Variants in FAR1 observed in about 807,000 individuals in gnomAD.
The protein encoded by FAR1 is fatty acyl-CoA reductase 1.
A neutral mutation model predicts 61.1 loss-of-function variants in FAR1; 22 were observed. The observed-to-expected ratio is 0.36, with a 90% CI of 0.26 to 0.51. The LOEUF (loss-of-function observed/expected upper bound fraction) is 0.51. Among genes scored for constraint, FAR1 ranks in the 20% least tolerant of loss-of-function variants. The pLI is 0.95. For synonymous variants in FAR1, 206 were observed against 209.7 expected, an observed-to-expected ratio of 0.98 and a Z score of 0.15; for missense variants, 359 against 626.9, an observed-to-expected ratio of 0.57 and a Z score of 4.56.
chr11:13,699,435 A>G (rs1027935733), intron 2 of FAR1, among the ~76,000 whole-genome samples: 4 of 152,172 alleles, frequency 2.6e-5, no homozygotes, highest in Non-Finnish European at 5.9e-5. Flanking sequence ...GAGCGGGAAG[A>G]CTGTTTATAC....
chr11:13,678,703 C>T (rs576565070), intron 1 of FAR1, among the ~76,000 whole-genome samples: 240 of 151,018 alleles, frequency 1.6e-3, no homozygotes, highest in African/African-American at 5.5e-3. Context: ...AAGAGCAGGG[C>T]TTAGATAGAA....
At position 13,728,805 on chromosome 11, in the gene FAR1, A is replaced by G; in HGVS notation, c.*31A>G. 6.4e-7 allele frequency: 1 copy of G among 1,567,842 alleles called. No individual in the cohort carries two copies. The highest frequency in any genetic ancestry group is 1.1e-5 in the South Asian group (1 of 87,156). On this transcript the variant is annotated 3_prime_UTR_variant, in exon 12 of 12. Transcript: ENST00000354817. Reference sequence around the variant, plus strand: ...AAGGATTCAGCATTAGAACATCTATACATATGGTGATCTAAATGTACAAAA... The same window carrying G: ...AAGGATTCAGCATTAGAACATCTATGCATATGGTGATCTAAATGTACAAAA...
chr11:13,704,808 A>C (rs983027659), intron 3 of FAR1, among the ~76,000 whole-genome samples: 3 of 152,214 alleles, frequency 2.0e-5, no homozygotes, highest in African/African-American at 7.2e-5. Flanking sequence ...GGTGGAAAAG[A>C]GACTTGTGTC....
At chr11:13,712,931 A>C (rs1269308157) in intron 7 of FAR1, 35 bp from the exon 8 acceptor site, 6 of 1,584,652 alleles carry the variant, frequency 3.8e-6, no homozygotes, top group Non-Finnish European at 5.2e-6. Context: ...TTGGCCTCTT[A>C]TTATGATTAA....
intron 4 of FAR1, 92 bp downstream of exon 4, chr11:13,708,171 G>A (rs1425465647): frequency 2.4e-6 from 2 of 833,398 alleles, no homozygotes; most frequent in African/African-American, 1.8e-5. Context: ...AGAGCAGCCA[G>A]GCCAACATAG....
At chr11:13,708,479 ACATTT>A (rs1181847417) in intron 4 of FAR1, among the ~76,000 whole-genome samples, 6 of 117,704 alleles carry the variant, frequency 5.1e-5, no homozygotes, top group Admixed American at 3.9e-4. Flanking sequence ...ACACACACAT[ACATTT>A]ATCTCTTTTC....
chr11:13,687,328 A>G (rs1848198127), intron 1 of FAR1, among the ~76,000 whole-genome samples: 1 of 152,234 alleles, frequency 6.6e-6, no homozygotes, highest in Non-Finnish European at 1.5e-5. Context: ...AAGAACAGTG[A>G]AAATAAATGT....
intron 1 of FAR1, among the ~76,000 whole-genome samples, chr11:13,687,228 A>G (rs1291423264): frequency 6.6e-6 from 1 of 152,204 alleles, no homozygotes; most frequent in Admixed American, 6.5e-5. Context: ...CTTCAGAAAG[A>G]TTGCTTCTTT....
rs1444318573 is a variant in FAR1, at chr11:13,730,481, A to G, written c.*1707A>G. ...CTAGGACCATACCTTATATAAAGGT[A>G]TAAGAGACCATGACAATGTCTGAAA... On this transcript the variant is annotated 3_prime_UTR_variant, in exon 12 of 12. Coordinates refer to ENST00000354817, the MANE Select transcript of FAR1 (RefSeq NM_032228.6). 6.6e-6 allele frequency: 1 copy of G among 152,302 alleles called. No individual in the cohort carries two copies. The highest frequency in any genetic ancestry group is 1.5e-5 in the Non-Finnish European group (1 of 67,966). The allele number at this position is 152,302 out of a possible 1,614,324, so 9.4% of individuals were successfully genotyped here. A position where few individuals can be genotyped will look rare whatever the true frequency, so the allele number is the denominator to read the frequency against.
chr11:13,683,421 T>A (rs1848151627), intron 1 of FAR1, among the ~76,000 whole-genome samples: 1 of 151,866 alleles, frequency 6.6e-6, no homozygotes, highest in Non-Finnish European at 1.5e-5. Context: ...CAGCATTGGA[T>A]ATGGGTGTGT....
chr11:13,672,544 CA>C (rs34377920), intron 1 of FAR1, among the ~76,000 whole-genome samples: 1,266 of 111,418 alleles, frequency 0.011, 10 homozygotes, highest in African/African-American at 0.02. Flanking sequence ...GACCCTGTCT[CA>C]AAAAAAAAAA....
At chr11:13,678,593 C>T (rs1321213596) in intron 1 of FAR1, among the ~76,000 whole-genome samples, 2 of 152,174 alleles carry the variant, frequency 1.3e-5, no homozygotes, top group African/African-American at 4.8e-5. Context: ...CATCAGGAGG[C>T]TTGGCCCTTT....
Position 13,731,686 on chromosome 11 carries a change from CT to C in FAR1, c.*2915del, listed in dbSNP as rs1848728066. 1 of 151,974 alleles carries C rather than the reference CT, an allele frequency of 6.6e-6. No homozygotes were observed. Among genetic ancestry groups the C allele is most frequent in the African/African-American group, 2.4e-5 (1 of 41,360 alleles). 9.4% of individuals were successfully genotyped at this position (151,974 alleles called of 1,614,324 possible). A position where few individuals can be genotyped will look rare whatever the true frequency, so the allele number is the denominator to read the frequency against. ...GGGAAAGAATACAGGCAGGATGACA[CT>C]TTGTGTTAAAGTGTTATTTTTATGT... On this transcript the variant is annotated 3_prime_UTR_variant, in exon 12 of 12. Coordinates refer to ENST00000354817, the MANE Select transcript of FAR1 (RefSeq NM_032228.6).
chr11:13,694,748 G>A lies in FAR1; in HGVS notation c.-7-11G>A. 2 of 1,597,588 alleles carry A rather than the reference G, an allele frequency of 1.3e-6. No homozygotes were observed. Among genetic ancestry groups the A allele is most frequent in the Non-Finnish European group, 1.7e-6 (2 of 1,171,728 alleles). The stretch of plus-strand genomic sequence containing the variant: ...CCTTAAACTAATGCTTATTTGCCAT[G>A]TTTTTCTTAGGATCAAAATGGTTTC... On this transcript the variant is annotated splice_polypyrimidine_tract_variant and intron_variant, in intron 1 of 11. Coordinates refer to ENST00000354817, the MANE Select transcript of FAR1 (RefSeq NM_032228.6).
chr11:13,722,692 G>A (rs1848623950), intron 10 of FAR1, among the ~76,000 whole-genome samples: 2 of 151,830 alleles, frequency 1.3e-5, no homozygotes, highest in Admixed American at 6.6e-5. Context: ...CAAGCTGCTG[G>A]TCTGGAACTC....
chr11:13,706,691 A>G (rs183181127), intron 3 of FAR1, among the ~76,000 whole-genome samples: 60 of 152,262 alleles, frequency 3.9e-4, no homozygotes, highest in African/African-American at 1.3e-3. Context: ...ACTATAGTCT[A>G]TGTTGTACAA....
intron 1 of FAR1, among the ~76,000 whole-genome samples, chr11:13,691,336 C>G (rs770730522): frequency 2.0e-5 from 3 of 152,148 alleles, no homozygotes; most frequent in Non-Finnish European, 4.4e-5. Context: ...CTTAAAGAAC[C>G]CTTCTCTTAA....
At chr11:13,716,030 A>G (rs1402116005) in intron 9 of FAR1, among the ~76,000 whole-genome samples, 1 of 152,238 alleles carries the variant, frequency 6.6e-6, no homozygotes, top group Non-Finnish European at 1.5e-5. Flanking sequence ...ACAACTTTAG[A>G]GCAGGTAAAG....
At chr11:13,691,825 G>A (rs1486447101) in intron 1 of FAR1, among the ~76,000 whole-genome samples, 1 of 152,144 alleles carries the variant, frequency 6.6e-6, no homozygotes, top group Non-Finnish European at 1.5e-5. Context: ...TGCTGCTATA[G>A]ATTGAGTATC....
Sources: allele counts gnomAD v4.1 joint callset (sites outside exome capture counted in the v4.1 genomes callset), GRCh38; gene constraint gnomAD v4.1.1; transcripts MANE v1.5; gene names NCBI Gene and HGNC (gene_info 2026-07-23, HGNC 2026-07-21).